The following MRPS2 variants were observed in gnomAD, a reference collection of about 807,000 sequenced individuals.
MRPS2 encodes the protein mitochondrial ribosomal protein S2.
A neutral mutation model predicts 18.9 loss-of-function variants in MRPS2; 13 were observed. The observed-to-expected ratio is 0.69, with a 90% CI of 0.45 to 1.09. The LOEUF is 1.09. Among genes scored for constraint, MRPS2 ranks in the 50% least tolerant of loss-of-function variants. The pLI, the probability that MRPS2 is intolerant of heterozygous loss-of-function variation, is 0.00. For synonymous variants in MRPS2, 186 were observed against 178.4 expected (o/e 1.04, Z -0.34); for missense variants, 389 against 421.7 (o/e 0.92, Z 0.68).
At chr9:135,502,363 GA>G in intron 3 of MRPS2, 12 of 627,650 alleles carry the variant, frequency 1.9e-5, no homozygotes, top group South Asian at 8.7e-5. Flanking sequence ...GCTGTGGGGG[GA>G]GGGGATGGGA....
intron 3 of MRPS2, 177 bp downstream of exon 3, chr9:135,502,150 G>A: frequency 7.1e-7 from 1 of 1,410,552 alleles, no homozygotes; most frequent in Non-Finnish European, 9.2e-7. Context: ...CCTCAGCTTG[G>A]CGGACGCTCT....
chr9:135,503,347 T>C (rs1278121382), intron 3 of MRPS2, 195 bp from the exon 4 acceptor site: 1 of 1,423,610 alleles, frequency 7.0e-7, no homozygotes, highest in East Asian at 2.5e-5. Context: ...AGACGAGGCA[T>C]GCAGAGGGGT....
intron 1 of MRPS2, 86 bp from the exon 2 acceptor site, chr9:135,500,912 G>T: frequency 2.5e-6 from 4 of 1,586,572 alleles, no homozygotes; most frequent in Non-Finnish European, 2.6e-6. Flanking sequence ...CGTTAGGGAC[G>T]CGGAGGGGCC....
At chr9:135,500,941 G>A (rs770473197) in intron 1 of MRPS2, 57 bp from the exon 2 acceptor site, 4 of 1,601,842 alleles carry the variant, frequency 2.5e-6, no homozygotes, top group Non-Finnish European at 3.4e-6. Flanking sequence ...ATGCGGTGGG[G>A]AGCGGGCGTG....
In MRPS2 at chr9:135,503,651, T is replaced by C; in HGVS notation, c.409T>C (p.Tyr137His). ...LALNFTAHMA[Y>H]RKGIILFISR... ...CTTGAACTTCACCGCCCACATGGCC[T>C]ACCGCAAGGGCATCATCTTGTTTAT... The change falls in exon 4 of 4, where the codon TAC becomes CAC. Residue 137 changes from tyrosine (Y) to histidine (H), a missense_variant. Transcript: ENST00000241600. 1 of 1,613,840 alleles carries C rather than the reference T, an allele frequency of 6.2e-7. No homozygotes were observed. The highest frequency in any genetic ancestry group is 1.7e-5 in the Admixed American group (1 of 60,020).
intron 2 of MRPS2, chr9:135,501,374 AG>A (rs34220276): frequency 2.2e-6 from 3 of 1,340,536 alleles, no homozygotes; most frequent in Admixed American, 3.5e-5. Flanking sequence ...TTCGCTCCCT[AG>A]GGGGGTGTCA....
At chr9:135,501,606 T>A (rs1461654892) in intron 2 of MRPS2, 1 of 1,310,058 alleles carries the variant, frequency 7.6e-7, no homozygotes, top group East Asian at 3.1e-5. Flanking sequence ...GGGACGGGGT[T>A]GACCAGGTTC....
chr9:135,503,388 C>T lies in MRPS2; in HGVS notation c.300-154C>T, dbSNP rs1831196163. 3 of 1,398,354 alleles carry T rather than the reference C, an allele frequency of 2.1e-6. No homozygotes were observed. The South Asian group carries it at 4.5e-5, about 21-fold the overall frequency. 86.6% of individuals were successfully genotyped at this position (1,398,354 alleles called of 1,614,324 possible). ...GGATGGGTCTGCACTGCTGTCCATG[C>T]ACACGGGGAGCGTTGCAAATTGTGC... On this transcript the variant is annotated intron_variant, in intron 3 of 3. Transcript: ENST00000241600.
At chr9:135,500,967 G>A in intron 1 of MRPS2, 31 bp from the exon 2 acceptor site, 1 of 1,610,848 alleles carries the variant, frequency 6.2e-7, no homozygotes, top group Non-Finnish European at 8.5e-7. Context: ...TTCGGGACTC[G>A]GCGCCAGGAC....
At chr9:135,502,228 G>C (rs977001854) in intron 3 of MRPS2, 43 of 1,302,186 alleles carry the variant, frequency 3.3e-5, no homozygotes, top group African/African-American at 7.5e-5. Flanking sequence ...AGGACTCCAC[G>C]GGTTCAGAAA....
rs1018226977 is a variant in MRPS2 at position 135,501,895 on chromosome 9, A to G, written c.221A>G (p.Asn74Ser). 18 of 1,613,834 alleles carry G rather than the reference A, an allele frequency of 1.1e-5. No homozygotes were observed. Among genetic ancestry groups the G allele is most frequent in the African/African-American group, 4.0e-5 (3 of 75,052 alleles). Residue 74 changes from asparagine to serine, a missense_variant, in exon 3 of 4, where the codon AAT (asparagine) becomes AGT (serine). By Grantham distance (46) the Asn-to-Ser change is conservative. Transcript: ENST00000241600. ...CCCCTCAAGCACTCTGACTTCTTCA[A>G]TGTCAAGGAACTGTTTTCCGTGAGA... ...NEPLKHSDFF[N>S]VKELFSVRSL... is the part of the protein sequence containing the mutation.
chr9:135,500,595 C>T (rs1024870776), upstream of MRPS2: 3 of 1,181,064 alleles, frequency 2.5e-6, no homozygotes, highest in Middle Eastern at 2.9e-4. Context: ...CTGGGGACAG[C>T]GCTGTGGCTC....
At chr9:135,501,267 C>T in intron 2 of MRPS2, 144 bp downstream of exon 2, 1 of 1,431,986 alleles carries the variant, frequency 7.0e-7, no homozygotes, top group Non-Finnish European at 9.1e-7. Context: ...GTGCTCGCCG[C>T]CGCTCGGTCC....
Position 135,501,047 on chromosome 9 carries a change from C to G in MRPS2, c.93C>G (p.Pro31=), listed in dbSNP as rs757108896. 6 of 1,610,874 alleles carry G rather than the reference C, an allele frequency of 3.7e-6. No individual in the cohort carries two copies. In the Admixed American group the frequency reaches 5.0e-5, roughly 13 times the overall value. The part of the protein sequence containing the change: ...RWLGFLGKAT[P]RPARPSRRTL... ...TGGGCTTTCTCGGGAAGGCGACCCCCCGGCCTGCTCGGCCGAGCCGCAGGA... is the reference window on the plus strand; with the variant it reads ...TGGGCTTTCTCGGGAAGGCGACCCCGCGGCCTGCTCGGCCGAGCCGCAGGA... The change falls in exon 2 of 4, where the codon CCC becomes CCG. Residue 31 remains proline (P), a synonymous_variant. Coordinates refer to ENST00000241600, the MANE Select transcript of MRPS2 (RefSeq NM_016034.5).
intron 2 of MRPS2, 113 bp downstream of exon 2, chr9:135,501,236 C>G: frequency 4.2e-6 from 6 of 1,445,198 alleles, no homozygotes; most frequent in Non-Finnish European, 5.4e-6. Flanking sequence ...CTGCGCGCTC[C>G]GCTGGGCTCC....
rs1006232056 is a variant in MRPS2 at position 135,501,050 on chromosome 9, G to A, written c.96G>A (p.Arg32=). 1.2e-6 allele frequency: 2 copies of A among 1,610,416 alleles called. No homozygotes were observed. Among genetic ancestry groups the A allele is most frequent in the Non-Finnish European group, 1.7e-6 (2 of 1,179,010 alleles). ...GCTTTCTCGGGAAGGCGACCCCCCG[G>A]CCTGCTCGGCCGAGCCGCAGGACGC... ...WLGFLGKATP[R]PARPSRRTLG... The change falls in exon 2 of 4, where the codon CGG becomes CGA. Residue 32 remains arginine (R), a synonymous_variant. Coordinates refer to ENST00000241600, the MANE Select transcript of MRPS2 (RefSeq NM_016034.5).
intron 3 of MRPS2, chr9:135,503,207 G>A (rs969954559): frequency 2.5e-5 from 28 of 1,126,732 alleles, no homozygotes; most frequent in South Asian, 2.4e-4. Context: ...TGACGGAGGC[G>A]GCTGCCCTGT....
At position 135,503,552 on chromosome 9, in the gene MRPS2, C is replaced by T. The variant is rs764991111; in HGVS notation, c.310C>T (p.Pro104Ser). The T allele has an allele frequency of 5.0e-6, 8 of 1,612,834 alleles. No individual in the cohort carries two copies. The highest frequency in any genetic ancestry group is 6.8e-6 in the Non-Finnish European group (8 of 1,179,604). ...TGGGGTCTCTGGCAGGTTTATGGAGCCGTACATCTTTGGGAGCCGCCTGGA... is the reference window on the plus strand; with the variant it reads ...TGGGGTCTCTGGCAGGTTTATGGAGTCGTACATCTTTGGGAGCCGCCTGGA... Reference protein sequence around the residue: ...KAGCRHRFMEPYIFGSRLDHD... With the variant: ...KAGCRHRFMESYIFGSRLDHD... Residue 104 changes from proline (P) to serine (S), a missense_variant, in exon 4 of 4, where the codon CCG (proline) becomes TCG (serine). Transcript: ENST00000241600.
intron 2 of MRPS2, chr9:135,501,628 C>G: frequency 7.3e-7 from 1 of 1,376,730 alleles, no homozygotes; most frequent in Non-Finnish European, 9.4e-7. Flanking sequence ...ACCAGGCTTA[C>G]CCAGGAGCAA....
Sources: allele counts gnomAD v4.1 joint callset, GRCh38; gene constraint gnomAD v4.1.1; transcripts MANE v1.5; gene names NCBI Gene and HGNC (gene_info 2026-07-23, HGNC 2026-07-21).